GPC6: variants seen among roughly 807,000 people sequenced by gnomAD.
GPC6 encodes glypican-6.
A neutral mutation model predicts 55.2 loss-of-function variants in GPC6; 14 were observed. The observed-to-expected ratio is 0.25, with a 90% CI of 0.17 to 0.40. The LOEUF is 0.40. Among genes scored for constraint, GPC6 ranks in the 10% least tolerant of loss-of-function variants. The probability of loss-of-function intolerance (pLI) is 1.00; values close to 1 mark genes in which losing one functional copy is unlikely to be tolerated. For missense variants in GPC6, 641 were observed against 708.5 expected, an observed-to-expected ratio of 0.90 and a Z score of 1.08; for synonymous variants, 278 against 259.6, an observed-to-expected ratio of 1.07 and a Z score of -0.68.
chr13:94,143,811 AGCCTGGGAAGTCCAG>A (rs1887465041), intron 4 of GPC6, among the ~76,000 whole-genome samples: 1 of 152,162 alleles, frequency 6.6e-6, no homozygotes, highest in South Asian at 2.1e-4. Flanking sequence ...AGCAATTCTG[AGCCTGGGAAGTCCAG>A]GCTGCAGTTA....
chr13:94,027,866 C>A lies in GPC6; in HGVS notation c.849C>A (p.Asp283Glu), dbSNP rs780046106. Residue 283 changes from aspartate (D) to glutamate (E), a missense_variant, in exon 4 of 9, where the codon GAC (aspartate) becomes GAA (glutamate). Transcript: ENST00000377047. ...AGGGCTGCTTGGCAAATCAGGCTGACCTCGACACAGAGTGGAATCTGTTTA... is the reference window on the plus strand; with the variant it reads ...AGGGCTGCTTGGCAAATCAGGCTGAACTCGACACAGAGTGGAATCTGTTTA... The part of the protein sequence containing the change: ...VMKGCLANQA[D>E]LDTEWNLFID... 1 of 1,613,996 alleles carries A rather than the reference C, an allele frequency of 6.2e-7. No individual in the cohort carries two copies. Among genetic ancestry groups the A allele is most frequent in the South Asian group, 1.1e-5 (1 of 91,068 alleles).
At chr13:93,433,453 C>CCA (rs1877447301) in intron 1 of GPC6, among the ~76,000 whole-genome samples, 1 of 152,224 alleles carries the variant, frequency 6.6e-6, no homozygotes, top group South Asian at 2.1e-4. Context: ...GTGGGGAAGA[C>CCA]CATGGCCTTT....
intron 3 of GPC6, among the ~76,000 whole-genome samples, chr13:93,864,812 A>G (rs1458018826): frequency 1.3e-5 from 2 of 151,706 alleles, no homozygotes; most frequent in Admixed American, 6.6e-5. Context: ...ACCCAAATGT[A>G]GAACTCTAAC....
chr13:94,219,823 G>C (rs1890330802), intron 4 of GPC6, among the ~76,000 whole-genome samples: 1 of 152,136 alleles, frequency 6.6e-6, no homozygotes, highest in South Asian at 2.1e-4. Context: ...AGAAAGGTAT[G>C]TTGAGGCAGA....
chr13:93,977,307 A>G lies in GPC6; in HGVS notation c.712-50422A>G, dbSNP rs185244561. 1.6e-3 allele frequency among the ~76,000 whole-genome samples: 248 copies of G among 152,318 alleles called. 1 individual carries two copies. Among genetic ancestry groups the G allele is most frequent in the African/African-American group, 5.7e-3 (236 of 41,578 alleles). On this transcript the variant is annotated intron_variant, in intron 3 of 8. Coordinates refer to ENST00000377047, the MANE Select transcript of GPC6 (RefSeq NM_005708.5). The stretch of plus-strand genomic sequence containing the variant: ...GCATTTGGTTTCCTGTCAGAGAAAG[A>G]AACAGAGAGACAATCAAATGGGTTT...
At chr13:93,509,368 C>T (rs768975795) in intron 1 of GPC6, among the ~76,000 whole-genome samples, 1 of 152,148 alleles carries the variant, frequency 6.6e-6, no homozygotes, top group Non-Finnish European at 1.5e-5. Flanking sequence ...AAGAATTGGG[C>T]TGCCTTCCTC....
intron 1 of GPC6, among the ~76,000 whole-genome samples, chr13:93,327,946 T>C (rs1246612078): frequency 6.6e-6 from 1 of 152,186 alleles, no homozygotes; most frequent in African/African-American, 2.4e-5. Flanking sequence ...CTCCTCAGAT[T>C]CAGGGAAGAT....
At chr13:94,339,686 T>C (rs2139153998) in intron 6 of GPC6, among the ~76,000 whole-genome samples, 1 of 150,370 alleles carries the variant, frequency 6.7e-6, no homozygotes, top group Admixed American at 6.6e-5. Flanking sequence ...CTAAATTTTC[T>C]AAGAGGAATG....
At chr13:93,508,341 G>A (rs1771060971) in intron 1 of GPC6, among the ~76,000 whole-genome samples, 1 of 152,186 alleles carries the variant, frequency 6.6e-6, no homozygotes, top group South Asian at 2.1e-4. Flanking sequence ...CTGTCTGGGA[G>A]AAGAAGCTTC....
chr13:93,525,496 T>G (rs1881611168), intron 1 of GPC6, among the ~76,000 whole-genome samples: 1 of 152,118 alleles, frequency 6.6e-6, no homozygotes, highest in Non-Finnish European at 1.5e-5. Context: ...TTATACAGGT[T>G]CACTCACCTC....
At position 93,651,645 on chromosome 13, in the gene GPC6, C is replaced by G. The variant is rs144141439; in HGVS notation, c.319+106224C>G. On this transcript the variant is annotated intron_variant, in intron 2 of 8. Transcript: ENST00000377047. ...CAACTACCGACGCAGTCAGCTCCTT[C>G]CCAAAGGGACACAATGCAGACCAGA... Among the ~76,000 whole-genome samples, 440 of 152,248 alleles carry G rather than the reference C, an allele frequency of 2.9e-3. 6 individuals carry two copies. Among genetic ancestry groups the G allele is most frequent in the African/African-American group, 9.3e-3 (385 of 41,562 alleles).
At chr13:93,516,402 A>T (rs1265319161) in intron 1 of GPC6, among the ~76,000 whole-genome samples, 1 of 152,144 alleles carries the variant, frequency 6.6e-6, no homozygotes, top group Non-Finnish European at 1.5e-5. Flanking sequence ...TGGAATATGC[A>T]GGGAAGAATG....
At chr13:94,111,087 G>A (rs921189142) in intron 4 of GPC6, among the ~76,000 whole-genome samples, 2 of 152,046 alleles carry the variant, frequency 1.3e-5, no homozygotes, top group Non-Finnish European at 2.9e-5. Flanking sequence ...TGATAAAAAT[G>A]AGCATCTTTT....
At chr13:93,999,003 A>T (rs1480701377) in intron 3 of GPC6, among the ~76,000 whole-genome samples, 1 of 152,104 alleles carries the variant, frequency 6.6e-6, no homozygotes, top group African/African-American at 2.4e-5. Context: ...GCTGGTAACC[A>T]TCATTCTACT....
chr13:93,500,446 A>C (rs1235411622), intron 1 of GPC6, among the ~76,000 whole-genome samples: 1 of 152,186 alleles, frequency 6.6e-6, no homozygotes, highest in Non-Finnish European at 1.5e-5. Flanking sequence ...AGGGCCAGCT[A>C]GTAGGAGAAC....
At chr13:94,099,787 G>A (rs1208644799) in intron 4 of GPC6, among the ~76,000 whole-genome samples, 6 of 152,128 alleles carry the variant, frequency 3.9e-5, no homozygotes, top group African/African-American at 1.4e-4. Context: ...TTATCAGGTG[G>A]CTTAGAACAT....
intron 6 of GPC6, among the ~76,000 whole-genome samples, chr13:94,327,178 C>T (rs1450529377): frequency 2.6e-5 from 4 of 152,164 alleles, no homozygotes; most frequent in Non-Finnish European, 4.4e-5. Context: ...AGGGCCACTG[C>T]CTTCTGCTGG....
At chr13:94,339,101 G>A (rs746336356) in intron 6 of GPC6, among the ~76,000 whole-genome samples, 5 of 151,634 alleles carry the variant, frequency 3.3e-5, no homozygotes, top group Non-Finnish European at 7.4e-5. Flanking sequence ...GTCTTGCTCT[G>A]TCATCCAGGC....
chr13:93,593,372 T>G (rs758351489), intron 2 of GPC6, among the ~76,000 whole-genome samples: 9 of 152,270 alleles, frequency 5.9e-5, no homozygotes, highest in Non-Finnish European at 1.2e-4. Context: ...TATTGTTAAG[T>G]GACCTTCTGC....
Sources: allele counts gnomAD v4.1 joint callset (sites outside exome capture counted in the v4.1 genomes callset), GRCh38; gene constraint gnomAD v4.1.1; transcripts MANE v1.5; gene names NCBI Gene and HGNC (gene_info 2026-07-23, HGNC 2026-07-21).